CDK14: variants seen among roughly 807,000 people sequenced by gnomAD.
CDK14 encodes cyclin dependent kinase 14, also known as cyclin-dependent kinase 14.
Under a neutral mutation model 60.7 loss-of-function variants are expected in CDK14, and 34 were observed. That is an observed-to-expected ratio of 0.56 (90% confidence interval 0.43 to 0.75). The LOEUF is 0.75. Among genes scored for constraint, CDK14 ranks in the 30% least tolerant of loss-of-function variants. The pLI, the probability that CDK14 is intolerant of heterozygous loss-of-function variation, is 0.00. For synonymous variants in CDK14, 197 were observed against 203.7 expected, an observed-to-expected ratio of 0.97 and a Z score of 0.28; for missense variants, 482 against 564.1, an observed-to-expected ratio of 0.85 and a Z score of 1.47.
At chr7:91,086,697 T>G (rs948151421) in intron 12 of CDK14, among the ~76,000 whole-genome samples, 1 of 151,996 alleles carries the variant, frequency 6.6e-6, no homozygotes, top group Non-Finnish European at 1.5e-5. Context: ...ATATCTTAAT[T>G]CTTAAGTTTT....
At chr7:91,081,877 C>T (rs747616648) in intron 12 of CDK14, among the ~76,000 whole-genome samples, 8 of 151,604 alleles carry the variant, frequency 5.3e-5, no homozygotes, top group Non-Finnish European at 1.2e-4. Flanking sequence ...CTTAATTATG[C>T]GATTGAGAAT....
intron 14 of CDK14, among the ~76,000 whole-genome samples, chr7:91,147,940 G>A (rs1459912715): frequency 6.6e-6 from 1 of 152,016 alleles, no homozygotes. Context: ...AGAGACCTTG[G>A]GTTAAATGCT....
intron 14 of CDK14, among the ~76,000 whole-genome samples, chr7:91,202,562 C>T (rs560959275): frequency 9.2e-5 from 14 of 152,132 alleles, no homozygotes; most frequent in Non-Finnish European, 1.9e-4. Context: ...CACCTAAATC[C>T]CCATTCATCA....
chr7:90,735,504 C>A (rs952924415), intron 3 of CDK14, among the ~76,000 whole-genome samples: 5 of 152,344 alleles, frequency 3.3e-5, no homozygotes, highest in African/African-American at 1.2e-4. Flanking sequence ...TTCAGAAATG[C>A]CCTGCCCAGA....
chr7:90,901,150 G>C (rs1328179166), intron 7 of CDK14, among the ~76,000 whole-genome samples: 1 of 152,054 alleles, frequency 6.6e-6, no homozygotes, highest in Non-Finnish European at 1.5e-5. Flanking sequence ...TCATCACATG[G>C]TCATTCATCA....
At chr7:90,734,877 G>A (rs1803024093) in intron 3 of CDK14, among the ~76,000 whole-genome samples, 1 of 152,110 alleles carries the variant, frequency 6.6e-6, no homozygotes, top group African/African-American at 2.4e-5. Context: ...GTGATCCTTT[G>A]GGAGAGAAGA....
chr7:90,654,066 A>T (rs552451350), intron 2 of CDK14, among the ~76,000 whole-genome samples: 15 of 152,216 alleles, frequency 9.9e-5, no homozygotes, highest in Admixed American at 9.8e-4. Context: ...TCAGTCTGTC[A>T]TTGTTGGACA....
chr7:90,635,575 C>T (rs1038647807), intron 2 of CDK14, among the ~76,000 whole-genome samples: 3 of 152,174 alleles, frequency 2.0e-5, no homozygotes, highest in Non-Finnish European at 4.4e-5. Flanking sequence ...TGTGATGCCT[C>T]CAGCTTTGTT....
intron 9 of CDK14, among the ~76,000 whole-genome samples, chr7:90,969,860 G>T (rs1794867959): frequency 6.6e-6 from 1 of 151,188 alleles, no homozygotes; most frequent in South Asian, 2.1e-4. Context: ...GTTGCTGGAT[G>T]TTACCAGTCC....
intron 3 of CDK14, among the ~76,000 whole-genome samples, chr7:90,734,761 C>T (rs577329116): frequency 1.3e-5 from 2 of 152,072 alleles, no homozygotes; most frequent in Admixed American, 1.3e-4. Flanking sequence ...AAAACACGCT[C>T]CTTTAGCTCA....
At chr7:90,749,262 C>T (rs1302648403) in intron 4 of CDK14, among the ~76,000 whole-genome samples, 2 of 147,536 alleles carry the variant, frequency 1.4e-5, no homozygotes, top group Admixed American at 6.7e-5. Context: ...TGCCCCACCC[C>T]TTCTGTCCAG....
chr7:90,725,146 A>G (rs1159027433), intron 2 of CDK14, among the ~76,000 whole-genome samples: 1 of 152,192 alleles, frequency 6.6e-6, no homozygotes, highest in Non-Finnish European at 1.5e-5. Flanking sequence ...GCTTATTTTA[A>G]TTATACATGC....
intron 12 of CDK14, among the ~76,000 whole-genome samples, chr7:91,091,315 T>C (rs1456032517): frequency 1.4e-5 from 2 of 144,690 alleles, no homozygotes; most frequent in Non-Finnish European, 3.0e-5. Context: ...CATATATAAT[T>C]TATGTATACA....
At chr7:90,649,511 G>T (rs1359112658) in intron 2 of CDK14, among the ~76,000 whole-genome samples, 1 of 147,144 alleles carries the variant, frequency 6.8e-6, no homozygotes, top group African/African-American at 2.5e-5. Flanking sequence ...TGCACAACAT[G>T]CAGGTTTGTT....
At chr7:91,206,460 G>A (rs907149498) in intron 14 of CDK14, among the ~76,000 whole-genome samples, 2 of 152,154 alleles carry the variant, frequency 1.3e-5, no homozygotes, top group African/African-American at 4.8e-5. Context: ...ACCCATCCTG[G>A]CAAGGCATTC....
chr7:90,659,467 C>T (rs1208694311), intron 2 of CDK14, among the ~76,000 whole-genome samples: 1 of 152,046 alleles, frequency 6.6e-6, no homozygotes, highest in Non-Finnish European at 1.5e-5. Flanking sequence ...ATATACGTTT[C>T]TTGCTGAAAT....
At chr7:90,639,651 C>G (rs1043669658) in intron 2 of CDK14, among the ~76,000 whole-genome samples, 1 of 140,718 alleles carries the variant, frequency 7.1e-6, no homozygotes, top group African/African-American at 2.7e-5. Flanking sequence ...AACCACTGCT[C>G]TCCTCAAAGC....
At chr7:90,634,706 A>G (rs1370606113) in intron 2 of CDK14, among the ~76,000 whole-genome samples, 1 of 151,740 alleles carries the variant, frequency 6.6e-6, no homozygotes, top group African/African-American at 2.4e-5. Flanking sequence ...AGGAATCGCC[A>G]CACTGACTTC....
chr7:90,817,028 A>T (rs1184496201), intron 5 of CDK14, among the ~76,000 whole-genome samples: 1 of 152,194 alleles, frequency 6.6e-6, no homozygotes, highest in East Asian at 1.9e-4. Flanking sequence ...ACCACAGATT[A>T]TATCTGATCT....
Sources: allele counts gnomAD v4.1 joint callset (sites outside exome capture counted in the v4.1 genomes callset), GRCh38; gene constraint gnomAD v4.1.1; transcripts MANE v1.5; gene names NCBI Gene and HGNC (gene_info 2026-07-23, HGNC 2026-07-21).